GNL3L: variants seen among roughly 807,000 people sequenced by gnomAD.
GNL3L encodes guanine nucleotide-binding protein-like 3-like protein.
In GNL3L, 4 loss-of-function variants were observed where a neutral mutation model predicts 42.9. That is an observed-to-expected ratio of 0.09 (90% CI 0.05 to 0.21). GNL3L has a LOEUF of 0.21. Among genes scored for constraint, GNL3L ranks in the 10% least tolerant of loss-of-function variants. The pLI, the probability that GNL3L is intolerant of heterozygous loss-of-function variation, is 1.00. For missense variants in GNL3L, 412 were observed against 481.7 expected (o/e 0.86, Z 1.36); for synonymous variants, 159 against 176.3 (o/e 0.90, Z 0.78).
intron 16 of GNL3L, among the ~76,000 whole-genome samples, chrX:54,573,895 T>C (rs1219781776): frequency 1.8e-5 from 2 of 108,418 alleles, no homozygotes; most frequent in Non-Finnish European, 3.8e-5. Flanking sequence ...TTTGATTTGA[T>C]GCCAGGCCCT....
At chrX:54,573,845 ATTT>A (rs749372026) in intron 16 of GNL3L, among the ~76,000 whole-genome samples, 1 of 88,802 alleles carries the variant, frequency 1.1e-5, no homozygotes, top group Non-Finnish European at 2.2e-5. Context: ...TATGGGTCAT[ATTT>A]TTCTGCTTTT....
At chrX:54,572,395 A>T (rs1282787890) in intron 16 of GNL3L, among the ~76,000 whole-genome samples, 4 of 111,392 alleles carry the variant, frequency 3.6e-5, no homozygotes, top group Non-Finnish European at 7.6e-5. Context: ...AAAGTCTCCC[A>T]TGTCTACTTC....
At chrX:54,630,853 G>A in the GNL3L span, among the ~76,000 whole-genome samples, 1 of 102,425 alleles carries the variant, frequency 9.8e-6, no homozygotes, top group East Asian at 3.0e-4. Context: ...TGTCACCCAG[G>A]CTGGAGTGCA....
At chrX:54,590,180 C>T (rs1296835499) in intron 16 of GNL3L, among the ~76,000 whole-genome samples, 6 of 111,537 alleles carry the variant, frequency 5.4e-5, no homozygotes, top group Middle Eastern at 4.6e-3. Context: ...CTTTGTGATC[C>T]GCCCGCCTCG....
downstream of GNL3L, among the ~76,000 whole-genome samples, chrX:54,571,227 T>C (rs1345493467): frequency 9.7e-6 from 1 of 103,265 alleles, no homozygotes; most frequent in Non-Finnish European, 2.0e-5. Context: ...AGAGTCTTGC[T>C]CTGTTGCCCA....
At chrX:54,627,974 A>G in the GNL3L span, among the ~76,000 whole-genome samples, 2 of 110,507 alleles carry the variant, frequency 1.8e-5, no homozygotes, top group Non-Finnish European at 3.8e-5. Context: ...ACTGTACCCA[A>G]TGTGTAGTCT....
chrX:54,572,866 C>T lies in GNL3L; in HGVS notation c.*45+12219C>T, dbSNP rs1452514846. On this transcript the variant is annotated intron_variant, in intron 16 of 16. Transcript: ENST00000674498. ...GCAGAGACGCTCCTCACCTCCCAGACGGGGTCGCAGCCGGGCAGAGGCGCT... is the reference window on the plus strand; with the variant it reads ...GCAGAGACGCTCCTCACCTCCCAGATGGGGTCGCAGCCGGGCAGAGGCGCT... Among the ~76,000 whole-genome samples the T allele has an allele frequency of 1.5e-3, 158 of 105,248 alleles. 1 individual carries two copies. The highest frequency in any genetic ancestry group is 2.5e-3 in the Non-Finnish European group (124 of 49,475). The allele number at this position is 105,248 out of a possible 115,157, so 91.4% of individuals were successfully genotyped here.
chrX:54,551,444 C>G (rs1220570680), intron 10 of GNL3L, 124 bp from the exon 11 acceptor site: 4 of 531,900 alleles, frequency 7.5e-6, no homozygotes, highest in Admixed American at 3.3e-5. Context: ...CTCTACATCT[C>G]TCCACCTTCG....
the GNL3L span, among the ~76,000 whole-genome samples, chrX:54,637,617 A>T: frequency 2.7e-5 from 3 of 112,338 alleles, no homozygotes; most frequent in Non-Finnish European, 5.6e-5. Context: ...TAAAAAGGAC[A>T]CTGTAGTGTA....
rs184096538 is a variant in GNL3L, at chrX:54,551,885, G to A, written c.1092G>A (p.Thr364=). 5.8e-6 allele frequency: 7 copies of A among 1,209,047 alleles called. No homozygotes were observed. The highest frequency in any genetic ancestry group is 2.2e-5 in the Admixed American group (1 of 45,856). The change falls in exon 12 of 16, where the codon ACG becomes ACA. Residue 364 remains threonine, a synonymous_variant. Coordinates refer to ENST00000360845, the MANE Select transcript of GNL3L (RefSeq NM_001184819.2). ...SGFQTTEHFL[T]AVAHRLGKKK... ...TCCAGACCACTGAGCACTTTCTGAC[G>A]GCAGTGGCCCACCGTTTGGGGAAGA...
chrX:54,531,874 C>T (rs1318668129), intron 1 of GNL3L, among the ~76,000 whole-genome samples: 2 of 110,487 alleles, frequency 1.8e-5, no homozygotes, highest in African/African-American at 6.6e-5. Flanking sequence ...GATGGCAATC[C>T]CCCCAACCCA....
At chrX:54,547,620 G>A (rs901081199) in intron 8 of GNL3L, among the ~76,000 whole-genome samples, 5 of 111,429 alleles carry the variant, frequency 4.5e-5, no homozygotes, top group Admixed American at 1.9e-4. Context: ...CATGAGAATC[G>A]TTTGAACCCA....
At chrX:54,623,526 G>A (rs1052849044), downstream of GNL3L, among the ~76,000 whole-genome samples, 1 of 112,239 alleles carries the variant, frequency 8.9e-6, no homozygotes, top group Non-Finnish European at 1.9e-5. Context: ...GTCTCCCAAA[G>A]TGCTAGGACT....
At chrX:54,645,056 A>T in the GNL3L span, among the ~76,000 whole-genome samples, 1 of 111,679 alleles carries the variant, frequency 9.0e-6, no homozygotes, top group Non-Finnish European at 1.9e-5. Context: ...TGGTTGTGGG[A>T]AAGCAATTAC....
chrX:54,551,067 T>G lies in GNL3L; in HGVS notation c.863+17T>G. On this transcript the variant is annotated intron_variant, in intron 10 of 15. Coordinates refer to ENST00000360845, the MANE Select transcript of GNL3L (RefSeq NM_001184819.2). ...AATTACCAAGTAAGCACCTGCCTGCTCCTCCACTCCACAATTCCTTGACCC... is the reference window on the plus strand; with the variant it reads ...AATTACCAAGTAAGCACCTGCCTGCGCCTCCACTCCACAATTCCTTGACCC... 1.2e-6 allele frequency: 1 copy of G among 850,924 alleles called. No homozygotes were observed. Among genetic ancestry groups the G allele is most frequent in the Non-Finnish European group, 1.8e-6 (1 of 566,697 alleles). 70.1% of individuals were successfully genotyped at this position (850,924 alleles called of 1,213,427 possible).
At chrX:54,542,272 G>T (rs1305734693) in intron 5 of GNL3L, among the ~76,000 whole-genome samples, 1 of 86,760 alleles carries the variant, frequency 1.2e-5, no homozygotes, top group Non-Finnish European at 2.2e-5. Flanking sequence ...ACAGTCCCCG[G>T]TGTGTGATGT....
rs141269966 is a variant in GNL3L at position 54,558,490 on chromosome X, G to T, written c.1501G>T (p.Ala501Ser). The T allele has an allele frequency of 1.7e-3, 2,020 of 1,206,996 alleles. 3 individuals are homozygous for T. Among genetic ancestry groups the T allele is most frequent in the Non-Finnish European group, 2.1e-3 (1,832 of 892,895 alleles). The change falls in exon 15 of 16, where the codon GCT (alanine) becomes TCT (serine). Residue 501 changes from alanine (A) to serine (S), a missense_variant. By Grantham distance (99) the Ala-to-Ser change is moderately conservative. Coordinates refer to ENST00000360845, the MANE Select transcript of GNL3L (RefSeq NM_001184819.2). ...TNPNRHQMGW[A>S]KRNVDHRPKS... Reference sequence around the variant, plus strand: ...TCCGAACCGTCATCAGATGGGGTGGGCTAAACGCAATGTGGACCACCGCCC... The same window carrying T: ...TCCGAACCGTCATCAGATGGGGTGGTCTAAACGCAATGTGGACCACCGCCC...
At chrX:54,634,077 T>C in the GNL3L span, among the ~76,000 whole-genome samples, 1 of 112,606 alleles carries the variant, frequency 8.9e-6, no homozygotes, top group South Asian at 3.7e-4. Context: ...AGTTTGACTC[T>C]AATGTGTCTC....
Position 54,563,504 on chromosome X carries a change from C to T in GNL3L, c.*2902C>T, listed in dbSNP as rs755128864. ...GTCGGTAAGAATTTGGGACTGCAGGCCAGTTACGATAGCTCTCACCTGTAA... is the reference window on the plus strand; with the variant it reads ...GTCGGTAAGAATTTGGGACTGCAGGTCAGTTACGATAGCTCTCACCTGTAA... On this transcript the variant is annotated 3_prime_UTR_variant, in exon 16 of 16. Transcript: ENST00000360845. 2.7e-5 allele frequency among the ~76,000 whole-genome samples: 3 copies of T among 111,613 alleles called. No homozygotes were observed. Among genetic ancestry groups the T allele is most frequent in the Non-Finnish European group, 5.6e-5 (3 of 53,210 alleles).
Sources: allele counts gnomAD v4.1 joint callset (sites outside exome capture counted in the v4.1 genomes callset), GRCh38; gene constraint gnomAD v4.1.1; transcripts MANE v1.5; gene names NCBI Gene and HGNC (gene_info 2026-07-23, HGNC 2026-07-21).